Variants in DOCK3 observed in about 807,000 individuals in gnomAD.
The protein encoded by DOCK3 is dedicator of cytokinesis protein 3.
Under a neutral mutation model 265.6 loss-of-function variants are expected in DOCK3, and 60 were observed. That is an observed-to-expected ratio of 0.23 (90% CI 0.18 to 0.28). The LOEUF is 0.28. Among genes scored for constraint, DOCK3 ranks in the 10% least tolerant of loss-of-function variants. The pLI is 1.00. For missense variants in DOCK3, 1,981 were observed against 2,594.3 expected (o/e 0.76, Z 5.14); for synonymous variants, 881 against 938.0 (o/e 0.94, Z 1.11).
intron 27 of DOCK3, among the ~76,000 whole-genome samples, chr3:51,296,404 A>G (rs1167889715): frequency 6.6e-6 from 1 of 152,122 alleles, no homozygotes; most frequent in African/African-American, 2.4e-5. Flanking sequence ...AGTAATCAAG[A>G]TTTGTACTAA....
chr3:51,360,460 G>A (rs2086652422), intron 46 of DOCK3, 51 bp from the exon 47 acceptor site: 3 of 1,570,386 alleles, frequency 1.9e-6, no homozygotes, highest in Admixed American at 3.7e-5. Context: ...ACATCCCTTA[G>A]TTACTTATTT....
chr3:51,128,208 GGGGTGATGGT>G (rs2084352347), intron 9 of DOCK3, among the ~76,000 whole-genome samples: 1 of 152,192 alleles, frequency 6.6e-6, no homozygotes, highest in Non-Finnish European at 1.5e-5. Context: ...TGGGTCACTA[GGGGTGATGGT>G]GAGTGGTGCC....
rs71633040 is a variant in DOCK3 at position 50,868,977 on chromosome 3, C to CTT, written c.163-21035_163-21034dup. Among the ~76,000 whole-genome samples, 632 of 73,578 alleles carry CTT rather than the reference C, an allele frequency of 8.6e-3. 11 individuals carry two copies. Among genetic ancestry groups the CTT allele is most frequent in the African/African-American group, 0.03 (562 of 18,656 alleles). The allele number at this position is 73,578 out of a possible 152,430, so 48.3% of individuals were successfully genotyped here. ...TGTTTAACTTTTCAAAAAACCAACT[C>CTT]TTTTTTTTTTTTTTTGAGGTGGAGT... On this transcript the variant is annotated intron_variant, in intron 3 of 52. Transcript: ENST00000266037.
rs145786478 is a variant in DOCK3, at chr3:51,369,341, G to T, written c.5294-5128G>T. Among the ~76,000 whole-genome samples the T allele has an allele frequency of 6.2e-3, 952 of 152,326 alleles. 11 individuals are homozygous for T. The highest frequency in any genetic ancestry group is 0.022 in the African/African-American group (913 of 41,566). ...TAACTAGAATAAACAGTGTAGAGAA[G>T]TCCTTAAATGACCTGATGGAGCTGA... On this transcript the variant is annotated intron_variant, in intron 49 of 52. Coordinates refer to ENST00000266037, the MANE Select transcript of DOCK3 (RefSeq NM_004947.5).
chr3:50,903,999 G>A (rs993045302), intron 4 of DOCK3, among the ~76,000 whole-genome samples: 7 of 151,934 alleles, frequency 4.6e-5, no homozygotes, highest in Non-Finnish European at 1.0e-4. Flanking sequence ...CCACCTATAA[G>A]TGAGAACATG....
chr3:51,053,076 A>ATATATATATAT (rs1559993850), intron 5 of DOCK3, among the ~76,000 whole-genome samples: 1 of 34,562 alleles, frequency 2.9e-5, no homozygotes, highest in Non-Finnish European at 5.5e-5. Flanking sequence ...AAAAAAGTCA[A>ATATATATATAT]AGATATATAT....
At chr3:50,802,641 T>C (rs1057194392) in intron 2 of DOCK3, among the ~76,000 whole-genome samples, 1 of 152,222 alleles carries the variant, frequency 6.6e-6, no homozygotes, top group Non-Finnish European at 1.5e-5. Flanking sequence ...AGAAATTTAC[T>C]GTTAGTCTAG....
chr3:51,313,802 C>G (rs1217046914), intron 31 of DOCK3, among the ~76,000 whole-genome samples: 1 of 152,170 alleles, frequency 6.6e-6, no homozygotes, highest in Non-Finnish European at 1.5e-5. Flanking sequence ...CCCAATCAGA[C>G]TTTCCAACAC....
intron 5 of DOCK3, among the ~76,000 whole-genome samples, chr3:50,971,393 T>G (rs1440963787): frequency 6.6e-6 from 1 of 152,156 alleles, no homozygotes; most frequent in Admixed American, 6.5e-5. Flanking sequence ...ATAGGGTCAT[T>G]AGGTTCTGGA....
intron 9 of DOCK3, among the ~76,000 whole-genome samples, chr3:51,116,017 A>G (rs1200425253): frequency 6.6e-6 from 1 of 152,086 alleles, no homozygotes; most frequent in South Asian, 2.1e-4. Context: ...CTGTTTTGGT[A>G]CCAGTACTGT....
intron 16 of DOCK3, 137 bp downstream of exon 16, chr3:51,227,582 A>G: frequency 7.7e-7 from 1 of 1,297,778 alleles, no homozygotes; most frequent in Admixed American, 2.6e-5. Flanking sequence ...CAGAGATGGG[A>G]TGTCACCAGA....
intron 16 of DOCK3, 62 bp downstream of exon 16, chr3:51,227,507 T>G (rs1232545599): frequency 6.3e-7 from 1 of 1,593,566 alleles, no homozygotes; most frequent in Admixed American, 1.7e-5. Context: ...CTCTCCTCTC[T>G]TGAACAGAAT....
intron 3 of DOCK3, among the ~76,000 whole-genome samples, chr3:50,858,099 TA>T (rs1372627787): frequency 6.6e-5 from 10 of 152,016 alleles, no homozygotes; most frequent in Admixed American, 6.5e-4. Flanking sequence ...TATGCAGCCA[TA>T]AAAAAGGATG....
chr3:51,202,499 C>T (rs2088856781), intron 12 of DOCK3, among the ~76,000 whole-genome samples: 1 of 152,100 alleles, frequency 6.6e-6, no homozygotes, highest in African/African-American at 2.4e-5. Context: ...AGACCAATAA[C>T]AGGAGCTGAA....
At chr3:50,931,666 T>C (rs1432922190) in intron 4 of DOCK3, among the ~76,000 whole-genome samples, 1 of 152,234 alleles carries the variant, frequency 6.6e-6, no homozygotes, top group Non-Finnish European at 1.5e-5. Flanking sequence ...TTAAAGTAAA[T>C]TAAACCATAG....
At chr3:51,223,463 T>C (rs958609409) in intron 14 of DOCK3, among the ~76,000 whole-genome samples, 5 of 152,110 alleles carry the variant, frequency 3.3e-5, no homozygotes, top group Non-Finnish European at 7.3e-5. Context: ...ACCAGGGTAA[T>C]ATTTAAATGA....
At chr3:51,138,068 G>A (rs897757027) in intron 9 of DOCK3, among the ~76,000 whole-genome samples, 1 of 152,156 alleles carries the variant, frequency 6.6e-6, no homozygotes, top group Non-Finnish European at 1.5e-5. Context: ...AGTGGGTTGT[G>A]GGGTAAAATG....
chr3:51,241,498 GATATCCTGAA>G (rs1402810213), intron 21 of DOCK3, among the ~76,000 whole-genome samples: 1 of 152,192 alleles, frequency 6.6e-6, no homozygotes, highest in Non-Finnish European at 1.5e-5. Flanking sequence ...CTTCATGGAT[GATATCCTGAA>G]ATATGTTTTC....
intron 1 of DOCK3, among the ~76,000 whole-genome samples, chr3:50,760,465 C>G (rs1271352484): frequency 6.6e-6 from 1 of 152,108 alleles, no homozygotes; most frequent in Non-Finnish European, 1.5e-5. Context: ...TACTACCGTT[C>G]TGTTTTTCAC....
Sources: gnomAD v4.1 joint callset for allele counts (sites outside exome capture counted in the v4.1 genomes callset) on GRCh38, gnomAD v4.1.1 for gene constraint, MANE v1.5 for transcripts, NCBI Gene and HGNC (gene_info 2026-07-23, HGNC 2026-07-21) for gene names.